LYPLAL1: variants seen among roughly 807,000 people sequenced by gnomAD.
LYPLAL1 encodes lysophospholipase-like protein 1.
LYPLAL1 carries 23 observed loss-of-function variants against 19.7 expected under a neutral mutation model. The ratio of observed to expected loss-of-function variants is 1.17; its 90% CI spans 0.84 to 1.65. The LOEUF is 1.65. LYPLAL1 is among the 40% of genes most tolerant of loss of function. The pLI is 0.00. For missense variants in LYPLAL1, 355 were observed against 279.4 expected (o/e 1.27, Z -1.93); for synonymous variants, 119 against 96.3 (o/e 1.24, Z -1.38).
the LYPLAL1 span, among the ~76,000 whole-genome samples, chr1:219,395,584 G>C: frequency 2.0e-5 from 3 of 152,166 alleles, no homozygotes; most frequent in Non-Finnish European, 2.9e-5. Flanking sequence ...TTAAGATGTT[G>C]ATGGTTTCTT....
the LYPLAL1 span, among the ~76,000 whole-genome samples, chr1:219,256,357 C>T: frequency 6.6e-6 from 1 of 151,832 alleles, no homozygotes; most frequent in Admixed American, 6.6e-5. Context: ...ATAATTTTCT[C>T]TTATTATATT....
At chr1:219,216,139 T>C (rs1659282109), downstream of LYPLAL1, among the ~76,000 whole-genome samples, 1 of 152,070 alleles carries the variant, frequency 6.6e-6, no homozygotes. Context: ...ATTTCTTACA[T>C]TTTTCTATAT....
chr1:219,277,242 C>T, the LYPLAL1 span, among the ~76,000 whole-genome samples: 2 of 152,114 alleles, frequency 1.3e-5, no homozygotes, highest in Non-Finnish European at 2.9e-5. Context: ...TGCTCCCTTT[C>T]TGTGGTATTT....
the LYPLAL1 span, among the ~76,000 whole-genome samples, chr1:219,327,745 T>C: frequency 6.6e-6 from 1 of 152,138 alleles, no homozygotes; most frequent in East Asian, 1.9e-4. Context: ...CATACTATTC[T>C]CTTAGTAGTA....
chr1:219,391,761 C>T, the LYPLAL1 span, among the ~76,000 whole-genome samples: 1 of 152,098 alleles, frequency 6.6e-6, no homozygotes, highest in Non-Finnish European at 1.5e-5. Context: ...CTTGGGAACT[C>T]CTCAGTCTAT....
chr1:219,364,632 G>A, the LYPLAL1 span, among the ~76,000 whole-genome samples: 1 of 152,018 alleles, frequency 6.6e-6, no homozygotes, highest in African/African-American at 2.4e-5. Context: ...CAGGCACAGA[G>A]GAGAGATTCA....
the LYPLAL1 span, among the ~76,000 whole-genome samples, chr1:219,419,594 C>CAGAGAGAG: frequency 0.015 from 1,494 of 99,430 alleles, 50 homozygotes; most frequent in South Asian, 0.034. Context: ...CACACACACA[C>CAGAGAGAG]AGAGAGAGAG....
At chr1:219,180,154 G>A (rs768100879) in intron 2 of LYPLAL1, among the ~76,000 whole-genome samples, 36 of 152,182 alleles carry the variant, frequency 2.4e-4, no homozygotes, top group South Asian at 8.3e-4. Flanking sequence ...GTGACACCAC[G>A]CCCAGCTAAT....
chr1:219,259,399 GTATATA>G, the LYPLAL1 span, among the ~76,000 whole-genome samples: 2 of 72,970 alleles, frequency 2.7e-5, no homozygotes, highest in Non-Finnish European at 5.2e-5. Context: ...AGAAAACGTG[GTATATA>G]TACATATATA....
chr1:219,318,348 A>T, the LYPLAL1 span, among the ~76,000 whole-genome samples: 2 of 151,680 alleles, frequency 1.3e-5, no homozygotes, highest in Non-Finnish European at 2.9e-5. Context: ...TCCCCTTAGC[A>T]CCCTAAGCAA....
Position 219,173,950 on chromosome 1 carries a change from T to C in LYPLAL1, c.60T>C (p.His20=), listed in dbSNP as rs140183886. Residue 20 remains histidine (H), a synonymous_variant, in exon 1 of 5, where the codon CAT becomes CAC. Coordinates refer to ENST00000366928, the MANE Select transcript of LYPLAL1 (RefSeq NM_138794.5). ...GTATCGTGTCGCCGGCAGGGAGGCA[T>C]AGCGCCTCTCTGATCTTCCTGCATG... ...QRCIVSPAGR[H]SASLIFLHGS... is the part of the protein sequence containing the mutation. 1,210 of 1,614,024 alleles carry C rather than the reference T, an allele frequency of 7.5e-4. No homozygotes were observed. Among genetic ancestry groups the C allele is most frequent in the Non-Finnish European group, 9.4e-4 (1,114 of 1,179,964 alleles).
the LYPLAL1 span, among the ~76,000 whole-genome samples, chr1:219,290,589 T>C: frequency 2.0e-5 from 3 of 152,312 alleles, no homozygotes; most frequent in Admixed American, 2.0e-4. Context: ...GTTGTTATCC[T>C]ATATATAAAC....
chr1:219,253,702 G>C, the LYPLAL1 span, among the ~76,000 whole-genome samples: 1 of 151,790 alleles, frequency 6.6e-6, no homozygotes, highest in Non-Finnish European at 1.5e-5. Context: ...CTAATTATGT[G>C]GTTCGTTTTA....
At chr1:219,222,363 ACCCTGAATACTAATCAAGG>A in the LYPLAL1 span, 1 of 151,890 alleles carries the variant, frequency 6.6e-6, no homozygotes, top group Non-Finnish European at 1.5e-5. Context: ...AAAAAATAAG[ACCCTGAATACTAATCAAGG>A]CCCATTTTTT....
At chr1:219,401,175 A>T in the LYPLAL1 span, among the ~76,000 whole-genome samples, 5,640 of 152,018 alleles carry the variant, frequency 0.037, 338 homozygotes, top group African/African-American at 0.13. Flanking sequence ...AATTGCTCTC[A>T]TCAATTTTTG....
chr1:219,229,052 C>T, the LYPLAL1 span, among the ~76,000 whole-genome samples: 1 of 151,834 alleles, frequency 6.6e-6, no homozygotes, highest in Non-Finnish European at 1.5e-5. Context: ...ACTAGTATTC[C>T]CATTTTATAT....
the LYPLAL1 span, among the ~76,000 whole-genome samples, chr1:219,221,891 CAATATGTTAAAACAAT>C: frequency 4.9e-4 from 75 of 152,140 alleles, no homozygotes; most frequent in African/African-American, 1.7e-3. Flanking sequence ...GCCAAAACAA[CAATATGTTAAAACAAT>C]AGAGGGCTCA....
chr1:219,182,802 G>C (rs1656401101), intron 2 of LYPLAL1, among the ~76,000 whole-genome samples: 1 of 151,882 alleles, frequency 6.6e-6, no homozygotes, highest in South Asian at 2.1e-4. Context: ...CACTTGGCTT[G>C]TAAAATCATT....
chr1:219,240,804 C>T, the LYPLAL1 span, among the ~76,000 whole-genome samples: 2 of 151,962 alleles, frequency 1.3e-5, no homozygotes, highest in East Asian at 1.9e-4. Context: ...CTAAATTTTC[C>T]AATTCCATTC....
Sources: gnomAD v4.1 joint callset for allele counts (sites outside exome capture counted in the v4.1 genomes callset) on GRCh38, gnomAD v4.1.1 for gene constraint, MANE v1.5 for transcripts, NCBI Gene and HGNC (gene_info 2026-07-23, HGNC 2026-07-21) for gene names.